Variants in MYLK observed in about 807,000 individuals in gnomAD.
MYLK encodes the protein myosin light chain kinase, smooth muscle.
A neutral mutation model predicts 203.4 loss-of-function variants in MYLK; 106 were observed. The ratio of observed to expected loss-of-function variants is 0.52; its 90% CI spans 0.45 to 0.61. MYLK has a LOEUF of 0.61. MYLK is among the 20% of genes least tolerant of loss of function. The probability of loss-of-function intolerance (pLI) is 0.00; values close to 1 mark genes in which losing one functional copy is unlikely to be tolerated. For missense variants in MYLK, 2,072 were observed against 2,442.3 expected, an observed-to-expected ratio of 0.85 and a Z score of 3.20; for synonymous variants, 867 against 959.5, an observed-to-expected ratio of 0.90 and a Z score of 1.78.
intron 23 of MYLK, among the ~76,000 whole-genome samples, chr3:123,661,989 T>C (rs538208327): frequency 6.6e-6 from 1 of 152,340 alleles, no homozygotes; most frequent in Admixed American, 6.5e-5. Context: ...TATCCTCGTG[T>C]CTTCCTTATT....
intron 3 of MYLK, among the ~76,000 whole-genome samples, chr3:123,827,214 C>A (rs985755864): frequency 1.1e-4 from 16 of 152,048 alleles, no homozygotes; most frequent in Middle Eastern, 3.4e-3. Context: ...TTAAAAAGAA[C>A]TAAAAGGAAA....
intron 13 of MYLK, among the ~76,000 whole-genome samples, chr3:123,711,289 G>T (rs1187935042): frequency 6.6e-6 from 1 of 152,136 alleles, no homozygotes; most frequent in Non-Finnish European, 1.5e-5. Flanking sequence ...TCATGGCAAA[G>T]GTTTCATGTG....
intron 4 of MYLK, among the ~76,000 whole-genome samples, chr3:123,786,057 C>T (rs1334191163): frequency 1.3e-5 from 2 of 152,046 alleles, no homozygotes; most frequent in African/African-American, 4.8e-5. Context: ...AATCCCAGCA[C>T]TTTGGGAGGC....
chr3:123,844,591 G>A (rs7631272), intron 2 of MYLK, among the ~76,000 whole-genome samples: 3,025 of 152,162 alleles, frequency 0.02, 89 homozygotes, highest in African/African-American at 0.068. Flanking sequence ...CTTAAGACAG[G>A]AGCAATTGAC....
chr3:123,707,966 C>CT lies in MYLK; in HGVS notation c.2177dup (p.Pro727AlafsTer21), dbSNP rs2061526905. The CT allele has an allele frequency of 6.2e-7, 1 of 1,614,168 alleles. No individual in the cohort carries two copies. The highest frequency in any genetic ancestry group is 8.5e-7 in the Non-Finnish European group (1 of 1,180,038). ...CCAGGGAGGCTGTCACTGAGCGAGGCTTACTGATGAACCAGGGCTGGGTGC... is the reference window on the plus strand; with the variant it reads ...CCAGGGAGGCTGTCACTGAGCGAGGCTTTACTGATGAACCAGGGCTGGGTGC... On this transcript the variant is annotated frameshift_variant, in exon 16 of 34. Transcript: ENST00000360304. LOFTEE classifies it high-confidence loss of function.
At chr3:123,810,794 C>G (rs2065532546) in intron 3 of MYLK, among the ~76,000 whole-genome samples, 1 of 152,190 alleles carries the variant, frequency 6.6e-6, no homozygotes, top group South Asian at 2.1e-4. Context: ...CTGCCTGTCT[C>G]CCAAAGGACA....
chr3:123,688,166 C>T (rs922314536), intron 19 of MYLK, among the ~76,000 whole-genome samples: 1 of 152,020 alleles, frequency 6.6e-6, no homozygotes, highest in African/African-American at 2.4e-5. Flanking sequence ...CCTCATTCAA[C>T]CCCAGGGCAG....
chr3:123,655,847 T>A (rs2059374948), intron 24 of MYLK, among the ~76,000 whole-genome samples: 1 of 152,232 alleles, frequency 6.6e-6, no homozygotes, highest in African/African-American at 2.4e-5. Context: ...TATAAAGTGA[T>A]TAACACATCG....
chr3:123,862,054 G>A (rs537265055), intron 2 of MYLK, among the ~76,000 whole-genome samples: 6 of 152,308 alleles, frequency 3.9e-5, no homozygotes, highest in East Asian at 3.9e-4. Context: ...ATTGGAATCC[G>A]AGCCAGCAGT....
intron 26 of MYLK, 51 bp from the exon 27 acceptor site, chr3:123,647,478 G>T (rs550660128): frequency 6.3e-7 from 1 of 1,575,248 alleles, no homozygotes; most frequent in Non-Finnish European, 8.7e-7. Flanking sequence ...CAAGCTTTCC[G>T]CTAACTTGGG....
In MYLK at chr3:123,657,007, T is replaced by C. The variant is rs1576452906; in HGVS notation, c.4288+119A>G. ...TGGAAACCAAGACCCCAAAAGACCC[T>C]GCCAGTCATCATTAATGTTTCCTCA... On this transcript the variant is annotated intron_variant, in intron 24 of 33. Transcript: ENST00000360304. 2.6e-5 allele frequency: 31 copies of C among 1,181,394 alleles called. No individual in the cohort carries two copies. In the South Asian group the frequency reaches 3.7e-4, roughly 14 times the overall value. The allele number at this position is 1,181,394 out of a possible 1,614,324, so 73.2% of individuals were successfully genotyped here. A position where few individuals can be genotyped will look rare whatever the true frequency, so the allele number is the denominator to read the frequency against.
At chr3:123,807,073 C>T (rs973136743) in intron 3 of MYLK, among the ~76,000 whole-genome samples, 21 of 152,264 alleles carry the variant, frequency 1.4e-4, no homozygotes, top group Middle Eastern at 3.4e-3. Flanking sequence ...GTACTGGAAT[C>T]CAGTCCTTCT....
At chr3:123,814,098 G>T in intron 3 of MYLK, 2 of 292,016 alleles carry the variant, frequency 6.8e-6, no homozygotes, top group South Asian at 7.2e-5. Flanking sequence ...CAAATTTGGT[G>T]CCTGCCCTGC....
Position 123,613,957 on chromosome 3 carries a change from TG to T in MYLK, c.*147del. The T allele has an allele frequency of 1.1e-6, 1 of 934,856 alleles. No homozygotes were observed. Among genetic ancestry groups the T allele is most frequent in the Non-Finnish European group, 1.7e-6 (1 of 600,974 alleles). 57.9% of individuals were successfully genotyped at this position (934,856 alleles called of 1,614,324 possible). ...AATAACGCTGCTAGGTATCAACTGC[TG>T]TTTCTGAAGAATCAACCCACAAATG... On this transcript the variant is annotated 3_prime_UTR_variant, in exon 34 of 34. Transcript: ENST00000360304.
chr3:123,680,997 AG>A (rs1457052898), intron 20 of MYLK: 1 of 138,040 alleles, frequency 7.2e-6, no homozygotes, highest in African/African-American at 2.9e-5. Flanking sequence ...CTGCCTTTAT[AG>A]CCCCCTCCTC....
intron 2 of MYLK, among the ~76,000 whole-genome samples, chr3:123,865,002 G>A (rs2032230409): frequency 6.6e-6 from 1 of 152,074 alleles, no homozygotes; most frequent in South Asian, 2.1e-4. Flanking sequence ...TGGCTTTCCT[G>A]CAGTTTCTAG....
At chr3:123,683,677 T>G (rs778707876) in intron 19 of MYLK, among the ~76,000 whole-genome samples, 1 of 152,140 alleles carries the variant, frequency 6.6e-6, no homozygotes, top group Non-Finnish European at 1.5e-5. Context: ...GTGCGGGTGT[T>G]GCAGGCTCAT....
intron 2 of MYLK, among the ~76,000 whole-genome samples, chr3:123,868,291 T>C (rs2032477473): frequency 6.6e-6 from 1 of 152,212 alleles, no homozygotes. Context: ...GCAATGCTTT[T>C]CTTGGAATAT....
At position 123,657,083 on chromosome 3, in the gene MYLK, C is replaced by T. The variant is rs377183996; in HGVS notation, c.4288+43G>A. ...GTCTTTACATACACAAGGTCAGTCA[C>T]GCACATTTGTTTCAAGCCACTGATG... On this transcript the variant is annotated intron_variant, in intron 24 of 33. Transcript: ENST00000360304. 2,085 of 1,606,656 alleles carry T rather than the reference C, an allele frequency of 1.3e-3. 4 individuals are homozygous for T. The highest frequency in any genetic ancestry group is 2.0e-3 in the Middle Eastern group (12 of 6,052).
Sources: allele counts gnomAD v4.1 joint callset (sites outside exome capture counted in the v4.1 genomes callset), GRCh38; gene constraint gnomAD v4.1.1; transcripts MANE v1.5; gene names NCBI Gene and HGNC (gene_info 2026-07-23, HGNC 2026-07-21).